GRM8: variants seen among roughly 807,000 people sequenced by gnomAD.
The protein encoded by GRM8 is glutamate metabotropic receptor 8.
GRM8 carries 47 observed loss-of-function variants against 87.2 expected under a neutral mutation model. The observed-to-expected ratio is 0.54, with a 90% CI of 0.43 to 0.69. The LOEUF is 0.69. GRM8 is among the 30% of genes least tolerant of loss of function. The pLI, the probability that GRM8 is intolerant of heterozygous loss-of-function variation, is 0.00. For missense variants in GRM8, 1,019 were observed against 1,139.2 expected (o/e 0.89, Z 1.52); for synonymous variants, 396 against 404.5 (o/e 0.98, Z 0.25).
At chr7:126,500,302 A>T (rs2150691284) in intron 9 of GRM8, among the ~76,000 whole-genome samples, 1 of 152,040 alleles carries the variant, frequency 6.6e-6, no homozygotes, top group East Asian at 1.9e-4. Flanking sequence ...TGTAAGTTCC[A>T]TCTGCAGGTT....
intron 3 of GRM8, among the ~76,000 whole-genome samples, chr7:126,986,994 C>T (rs780050436): frequency 1.3e-5 from 2 of 151,962 alleles, no homozygotes; most frequent in African/African-American, 4.8e-5. Flanking sequence ...GAAAACTGCG[C>T]GTAAAAGAAG....
At chr7:126,485,990 C>T (rs962206555) in intron 9 of GRM8, among the ~76,000 whole-genome samples, 1 of 152,038 alleles carries the variant, frequency 6.6e-6, no homozygotes, top group Non-Finnish European at 1.5e-5. Flanking sequence ...TACCTCTACA[C>T]TTGAAGAATA....
chr7:127,027,238 C>G (rs796857891), intron 3 of GRM8, among the ~76,000 whole-genome samples: 16 of 152,132 alleles, frequency 1.1e-4, no homozygotes, highest in African/African-American at 3.1e-4. Flanking sequence ...GTTACCGCAG[C>G]CTTGTAGTAT....
intron 2 of GRM8, among the ~76,000 whole-genome samples, chr7:127,133,410 T>C (rs951591447): frequency 2.0e-5 from 3 of 149,130 alleles, no homozygotes; most frequent in Admixed American, 6.7e-5. Flanking sequence ...ACAGTGAGAG[T>C]CTGTCTCAAA....
intron 9 of GRM8, among the ~76,000 whole-genome samples, chr7:126,507,042 A>C (rs1430874093): frequency 2.0e-5 from 3 of 151,912 alleles, no homozygotes; most frequent in Admixed American, 6.6e-5. Context: ...CTTCCAAATC[A>C]CCTACAGCCA....
At chr7:126,617,497 A>G (rs1274853333) in intron 7 of GRM8, among the ~76,000 whole-genome samples, 1 of 152,198 alleles carries the variant, frequency 6.6e-6, no homozygotes, top group African/African-American at 2.4e-5. Context: ...CACCACTCCT[A>G]TGCAACATAG....
At chr7:126,565,530 T>C (rs934824580) in intron 8 of GRM8, among the ~76,000 whole-genome samples, 13 of 152,074 alleles carry the variant, frequency 8.5e-5, no homozygotes, top group African/African-American at 2.9e-4. Flanking sequence ...AGAATATTGA[T>C]GAAAGAAATT....
At chr7:126,682,927 T>C (rs973515361) in intron 7 of GRM8, among the ~76,000 whole-genome samples, 1 of 152,156 alleles carries the variant, frequency 6.6e-6, no homozygotes, top group Non-Finnish European at 1.5e-5. Context: ...CACGCCCCTG[T>C]AGTCCCAGAT....
chr7:126,903,565 TACAC>T (rs35182354), intron 5 of GRM8, among the ~76,000 whole-genome samples: 9,831 of 118,424 alleles, frequency 0.083, 1,409 homozygotes, highest in African/African-American at 0.27. Flanking sequence ...CCTAAATACA[TACAC>T]ACACACACAC....
At chr7:126,975,818 T>C (rs1477276707) in intron 3 of GRM8, among the ~76,000 whole-genome samples, 1 of 152,234 alleles carries the variant, frequency 6.6e-6, no homozygotes, top group Non-Finnish European at 1.5e-5. Context: ...TGTAAATCTC[T>C]AATGAAGTGT....
At chr7:126,789,764 G>T (rs1406551966) in intron 6 of GRM8, among the ~76,000 whole-genome samples, 1 of 152,200 alleles carries the variant, frequency 6.6e-6, no homozygotes, top group East Asian at 1.9e-4. Context: ...AGTGCAAGTT[G>T]CTTTTTGCTA....
At chr7:126,578,200 T>C (rs896097831) in intron 8 of GRM8, among the ~76,000 whole-genome samples, 2 of 152,180 alleles carry the variant, frequency 1.3e-5, no homozygotes, top group African/African-American at 4.8e-5. Context: ...AATTATGTAT[T>C]TACATATATT....
chr7:126,985,251 T>A (rs1043822258), intron 3 of GRM8, among the ~76,000 whole-genome samples: 2 of 152,218 alleles, frequency 1.3e-5, no homozygotes, highest in Non-Finnish European at 1.5e-5. Context: ...ATAGCTTGAA[T>A]TAGTCACAGA....
At chr7:126,880,968 C>T (rs1799968199) in intron 6 of GRM8, among the ~76,000 whole-genome samples, 1 of 152,190 alleles carries the variant, frequency 6.6e-6, no homozygotes, top group Non-Finnish European at 1.5e-5. Context: ...GGCAGATTCC[C>T]TATTAAGAAG....
At chr7:127,075,813 G>T (rs1822198911) in intron 3 of GRM8, among the ~76,000 whole-genome samples, 1 of 152,124 alleles carries the variant, frequency 6.6e-6, no homozygotes, top group Non-Finnish European at 1.5e-5. Context: ...GATCCTGAAA[G>T]AAAGAGGGCA....
intron 2 of GRM8, among the ~76,000 whole-genome samples, chr7:127,218,444 T>C (rs1186400167): frequency 2.0e-5 from 3 of 152,232 alleles, no homozygotes; most frequent in Non-Finnish European, 4.4e-5. Flanking sequence ...CTGTACCATT[T>C]ACTAGCTGTG....
intron 3 of GRM8, among the ~76,000 whole-genome samples, chr7:126,960,324 G>A (rs1034511025): frequency 1.3e-5 from 2 of 152,064 alleles, no homozygotes; most frequent in East Asian, 1.9e-4. Flanking sequence ...AGGCTTCTTC[G>A]AAAATCCAGG....
intron 2 of GRM8, among the ~76,000 whole-genome samples, chr7:127,162,311 G>A (rs1258108650): frequency 1.3e-5 from 2 of 152,182 alleles, no homozygotes; most frequent in African/African-American, 2.4e-5. Context: ...AGGCACCAGT[G>A]AAAAGACAGC....
intron 2 of GRM8, chr7:127,112,428 G>A (rs748887715): frequency 5.9e-5 from 9 of 151,996 alleles, no homozygotes; most frequent in Non-Finnish European, 1.3e-4. Context: ...ATTCCACAGG[G>A]TTATTTTCTG....
Sources: gnomAD v4.1 joint callset for allele counts (sites outside exome capture counted in the v4.1 genomes callset) on GRCh38, gnomAD v4.1.1 for gene constraint, MANE v1.5 for transcripts, NCBI Gene and HGNC (gene_info 2026-07-23, HGNC 2026-07-21) for gene names.